KCNQ1: variants seen among roughly 807,000 people sequenced by gnomAD.
KCNQ1 encodes the protein potassium voltage-gated channel subfamily Q member 1, also known as potassium voltage-gated channel subfamily KQT member 1.
In KCNQ1, 49 loss-of-function variants were observed where a neutral mutation model predicts 72.4. The observed-to-expected ratio is 0.68, with a 90% confidence interval of 0.54 to 0.86. The LOEUF (loss-of-function observed/expected upper bound fraction) is 0.86. KCNQ1 is among the 40% of genes least tolerant of loss of function. The pLI is 0.00. For synonymous variants in KCNQ1, 450 were observed against 412.6 expected, an observed-to-expected ratio of 1.09 and a Z score of -1.10; for missense variants, 790 against 945.1, an observed-to-expected ratio of 0.84 and a Z score of 2.15.
In KCNQ1 at chr11:2,559,119, G is replaced by T. The variant is rs548566771; in HGVS notation, c.478-11509G>T. Among the ~76,000 whole-genome samples the T allele has an allele frequency of 7.8e-4, 119 of 152,226 alleles. No individual in the cohort carries two copies. Among genetic ancestry groups the T allele is most frequent in the African/African-American group, 2.8e-3 (118 of 41,548 alleles). ...AGAGGGGTCACTTGAGCCTTGGCCTGCAGGGAGGTTTTGCTCAAGGAGTGT... is the reference window on the plus strand; with the variant it reads ...AGAGGGGTCACTTGAGCCTTGGCCTTCAGGGAGGTTTTGCTCAAGGAGTGT... On this transcript the variant is annotated intron_variant, in intron 2 of 15. Transcript: ENST00000155840. The surrounding 1 kb of genome is among the most constrained non-coding windows in gnomAD (Gnocchi z 4.9).
In KCNQ1 at chr11:2,599,763, G is replaced by A. The variant is rs1329374704; in HGVS notation, c.1393+10909G>A. On this transcript the variant is annotated intron_variant, in intron 10 of 15. Coordinates refer to ENST00000155840, the MANE Select transcript of KCNQ1 (RefSeq NM_000218.3). The surrounding 1 kb of genome is among the most constrained non-coding windows in gnomAD (Gnocchi z 4.7). ...CACTTGCACCCTGGTGTTTCTCTGT[G>A]TGTCCAAATATCCTTTTCTTTAAGG... Among the ~76,000 whole-genome samples the A allele has an allele frequency of 6.6e-6, 1 of 152,154 alleles. No individual in the cohort carries two copies. Among genetic ancestry groups the A allele is most frequent in the African/African-American group, 2.4e-5 (1 of 41,414 alleles).
In KCNQ1 at chr11:2,673,091, C is replaced by T. The variant is rs184731749; in HGVS notation, c.1514+11010C>T. 1.5e-3 allele frequency: 610 copies of T among 398,866 alleles called. 2 individuals carry two copies. The highest frequency in any genetic ancestry group is 2.8e-3 in the Admixed American group (64 of 22,742). The allele number at this position is 398,866 out of a possible 1,614,324, so 24.7% of individuals were successfully genotyped here. A position where few individuals can be genotyped will look rare whatever the true frequency, so the allele number is the denominator to read the frequency against. ...CTTCTCAGGCCACAGTAGGCCTTCA[C>T]GGTACTCAGCAGGAGACCCCAGCAG... On this transcript the variant is annotated intron_variant, in intron 11 of 15. Coordinates refer to ENST00000155840, the MANE Select transcript of KCNQ1 (RefSeq NM_000218.3). This position sits in a 1 kb window ranked among gnomAD's most constrained non-coding sequence, Gnocchi z 4.5.
At chr11:2,619,723 T>C (rs1849132599) in intron 10 of KCNQ1, 2 of 398,342 alleles carry the variant, frequency 5.0e-6, no homozygotes, top group African/African-American at 4.1e-5. Flanking sequence ...TTTTTTTTTT[T>C]TTGGAAGTAT....
rs1849082036 is a variant in KCNQ1, at chr11:2,617,211, C to G, written c.1393+28357C>G. ...TATCTGCTACTTGGTATCCTTTGAC[C>G]TACATCTTTCCATTTTCTTCCCCCA... is the stretch of plus-strand genomic sequence containing the variant. On this transcript the variant is annotated intron_variant, in intron 10 of 15. Transcript: ENST00000155840. The surrounding 1 kb of genome is among the most constrained non-coding windows in gnomAD (Gnocchi z 4.6). 2 of 398,130 alleles carry G rather than the reference C, an allele frequency of 5.0e-6. No homozygotes were observed. The highest frequency in any genetic ancestry group is 8.9e-6 in the Non-Finnish European group (2 of 225,890). 24.7% of individuals were successfully genotyped at this position (398,130 alleles called of 1,614,324 possible). A position where few individuals can be genotyped will look rare whatever the true frequency, so the allele number is the denominator to read the frequency against.
rs942577530 is a variant in KCNQ1, at chr11:2,566,207, C to G, written c.478-4421C>G. ...TTATCTCATGTCTGGGTCCCCTTTG[C>G]CAAGGGTCCTCCAGCCTTTGGCCTG... is the stretch of plus-strand genomic sequence containing the variant. On this transcript the variant is annotated intron_variant, in intron 2 of 15. Transcript: ENST00000155840. This position sits in a 1 kb window ranked among gnomAD's most constrained non-coding sequence, Gnocchi z 6.7. Among the ~76,000 whole-genome samples the G allele has an allele frequency of 3.3e-5, 5 of 152,160 alleles. No homozygotes were observed. The highest frequency in any genetic ancestry group is 2.9e-5 in the Non-Finnish European group (2 of 68,032).
At chr11:2,540,444 A>G (rs1564810853) in intron 2 of KCNQ1, among the ~76,000 whole-genome samples, 1 of 152,206 alleles carries the variant, frequency 6.6e-6, no homozygotes, top group Non-Finnish European at 1.5e-5. Flanking sequence ...GGCCAGGCCT[A>G]GACAGCTCTT....
At position 2,768,152 on chromosome 11, in the gene KCNQ1, C is replaced by T. The variant is rs772989639; in HGVS notation, c.1515-692C>T. ...GTTTCCATCAGGAAAGTCAGGCAGGCGTTAGCTTCACTGCCAGGAGGGAAT... is the reference window on the plus strand; with the variant it reads ...GTTTCCATCAGGAAAGTCAGGCAGGTGTTAGCTTCACTGCCAGGAGGGAAT... On this transcript the variant is annotated intron_variant, in intron 11 of 15. Transcript: ENST00000155840. The surrounding 1 kb of genome is among the most constrained non-coding windows in gnomAD (Gnocchi z 6.7). 2.0e-5 allele frequency among the ~76,000 whole-genome samples: 3 copies of T among 152,184 alleles called. No individual in the cohort carries two copies. The highest frequency in any genetic ancestry group is 2.9e-5 in the Non-Finnish European group (2 of 68,042).
At chr11:2,804,036 C>T (rs990675616) in intron 15 of KCNQ1, among the ~76,000 whole-genome samples, 5 of 152,176 alleles carry the variant, frequency 3.3e-5, no homozygotes, top group Non-Finnish European at 2.9e-5. Context: ...GACGGGATGG[C>T]GGGTGAACCA....
intron 10 of KCNQ1, among the ~76,000 whole-genome samples, chr11:2,591,221 C>T (rs187211902): frequency 6.6e-5 from 10 of 152,370 alleles, no homozygotes; most frequent in African/African-American, 2.4e-4. Context: ...TTCAGGATGG[C>T]TCACCTGCAT....
rs1021307122 is a variant in KCNQ1 at position 2,720,363 on chromosome 11, G to A, written c.1515-48481G>A. On this transcript the variant is annotated intron_variant, in intron 11 of 15. Transcript: ENST00000155840. This position sits in a 1 kb window ranked among gnomAD's most constrained non-coding sequence, Gnocchi z 5.1. ...CTGGCTCAGCCGCCTTCCGGGGCCC[G>A]GCTACAGTCAGGCCTCCTTCGTGCT... Among the ~76,000 whole-genome samples the A allele has an allele frequency of 3.3e-5, 5 of 152,122 alleles. No individual in the cohort carries two copies. Among genetic ancestry groups the A allele is most frequent in the Admixed American group, 1.3e-4 (2 of 15,272 alleles).
Position 2,623,400 on chromosome 11 carries a change from A to G in KCNQ1, c.1393+34546A>G. ...TATTTGTACATTTTCACTGCCCTAA[A>G]AGTACTCTGTGCACTGCCTATTCAA... On this transcript the variant is annotated intron_variant, in intron 10 of 15. Transcript: ENST00000155840. This position sits in a 1 kb window ranked among gnomAD's most constrained non-coding sequence, Gnocchi z 5.2. 2.5e-6 allele frequency: 1 copy of G among 398,582 alleles called. No homozygotes were observed. Among genetic ancestry groups the G allele is most frequent in the Non-Finnish European group, 4.4e-6 (1 of 226,058 alleles). 24.7% of individuals were successfully genotyped at this position (398,582 alleles called of 1,614,324 possible). A position where few individuals can be genotyped will look rare whatever the true frequency, so the allele number is the denominator to read the frequency against.
In KCNQ1 at chr11:2,691,336, T is replaced by C. The variant is rs874031; in HGVS notation, c.1514+29255T>C. On this transcript the variant is annotated intron_variant, in intron 11 of 15. Transcript: ENST00000155840. This position sits in a 1 kb window ranked among gnomAD's most constrained non-coding sequence, Gnocchi z 6.4. ...ACCCCTGAGCTACAATCCACTGCAC[T>C]TACAGTGACCACCCATCCTGACATC... 1.7e-3 allele frequency: 680 copies of C among 398,622 alleles called. 13 individuals are homozygous for C. In the Admixed American group the frequency reaches 0.027, roughly 16 times the overall value. The allele number at this position is 398,622 out of a possible 1,614,324, so 24.7% of individuals were successfully genotyped here. A position where few individuals can be genotyped will look rare whatever the true frequency, so the allele number is the denominator to read the frequency against.
At chr11:2,692,522 T>G (rs1850605686) in intron 11 of KCNQ1, 1 of 398,636 alleles carries the variant, frequency 2.5e-6, no homozygotes, top group Non-Finnish European at 4.4e-6. Flanking sequence ...GCTCACAGGC[T>G]CCCTACCACC....
At chr11:2,533,448 C>T (rs2133661244) in intron 2 of KCNQ1, among the ~76,000 whole-genome samples, 1 of 152,340 alleles carries the variant, frequency 6.6e-6, no homozygotes. Flanking sequence ...AGGGCCCCAA[C>T]CTGGCTTCTG....
intron 2 of KCNQ1, among the ~76,000 whole-genome samples, chr11:2,554,250 T>C (rs955339227): frequency 9.9e-5 from 15 of 152,232 alleles, no homozygotes; most frequent in African/African-American, 3.6e-4. Context: ...ATTTGATAGC[T>C]AGAACATGTG....
Position 2,464,437 on chromosome 11 carries a change from G to A in KCNQ1, c.386+18953G>A, listed in dbSNP as rs1846322911. Among the ~76,000 whole-genome samples the A allele has an allele frequency of 6.6e-6, 1 of 152,204 alleles. No homozygotes were observed. Among genetic ancestry groups the A allele is most frequent in the African/African-American group, 2.4e-5 (1 of 41,442 alleles). On this transcript the variant is annotated intron_variant, in intron 1 of 15. Transcript: ENST00000155840. The surrounding 1 kb of genome is among the most constrained non-coding windows in gnomAD (Gnocchi z 5.0). The stretch of plus-strand genomic sequence containing the variant: ...CCTGGAGTGTCTTCTGGCATCGCAT[G>A]GATGAGAACTCTGAATGAATTGAGT...
chr11:2,722,128 C>G (rs1385175778), intron 11 of KCNQ1, among the ~76,000 whole-genome samples: 1 of 152,114 alleles, frequency 6.6e-6, no homozygotes, highest in Non-Finnish European at 1.5e-5. Context: ...GCCCTGTGCC[C>G]CTGGGATCAA....
At chr11:2,618,503 T>G (rs576179705) in intron 10 of KCNQ1, 1 of 398,624 alleles carries the variant, frequency 2.5e-6, no homozygotes, top group Admixed American at 4.4e-5. Context: ...GAAAATTGGT[T>G]GATCATATAT....
rs867549263 is a variant in KCNQ1 at position 2,775,964 on chromosome 11, C to T, written c.1595C>T (p.Ala532Val). The change falls in exon 13 of 16, where the codon GCG becomes GTG. Residue 532 changes from alanine (A) to valine (V), a missense_variant. Physicochemically the swap from Ala to Val is moderately conservative, Grantham distance 64. Around this residue, in one of 5 missense-constraint regions of KCNQ1, gnomAD observed 91 missense variants for 139.1 expected, o/e 0.65. Transcript: ENST00000155840. ...YFVAKKKFQQ[A>V]RKPYDVRDVI... ...GCGTGTCTTTTTGTCCCGCAGCAAG[C>T]GCGGAAGCCTTACGATGTGCGGGAC... 1.9e-6 allele frequency: 3 copies of T among 1,558,500 alleles called. No homozygotes were observed. The highest frequency in any genetic ancestry group is 1.9e-5 in the Admixed American group (1 of 51,380).
Sources: gnomAD v4.1 joint callset for allele counts (sites outside exome capture counted in the v4.1 genomes callset) on GRCh38, gnomAD v4.1.1 for gene constraint, gnomAD v4.1.1 regional missense constraint, Gnocchi (gnomAD v3.1) non-coding constraint, MANE v1.5 for transcripts, NCBI Gene and HGNC (gene_info 2026-07-23, HGNC 2026-07-21) for gene names.